Variants in DNAAF4 observed in about 807,000 individuals in gnomAD.
The protein encoded by DNAAF4 is dynein assembly factor 4, axonemal.
DNAAF4 carries 43 observed loss-of-function variants against 51.8 expected under a neutral mutation model. That is an observed-to-expected ratio of 0.83 (90% CI 0.65 to 1.07). The LOEUF (loss-of-function observed/expected upper bound fraction) is 1.07. Among genes scored for constraint, DNAAF4 ranks in the 50% least tolerant of loss-of-function variants. The pLI, the probability that DNAAF4 is intolerant of heterozygous loss-of-function variation, is 0.00. For missense variants in DNAAF4, 581 were observed against 493.0 expected (o/e 1.18, Z -1.69); for synonymous variants, 194 against 165.6 (o/e 1.17, Z -1.32).
intron 1 of DNAAF4, among the ~76,000 whole-genome samples, chr15:55,505,119 A>G (rs1468078894): frequency 6.6e-6 from 1 of 152,254 alleles, no homozygotes; most frequent in African/African-American, 2.4e-5. Context: ...ATATGAACAG[A>G]CACTTCTCAA....
intron 6 of DNAAF4, among the ~76,000 whole-genome samples, chr15:55,444,901 C>G (rs2057772247): frequency 6.6e-6 from 1 of 152,004 alleles, no homozygotes; most frequent in Non-Finnish European, 1.5e-5. Flanking sequence ...GATTTTGTAT[C>G]CTGAGACTTT....
chr15:55,465,835 G>C (rs1452168231), intron 5 of DNAAF4, among the ~76,000 whole-genome samples: 1 of 152,038 alleles, frequency 6.6e-6, no homozygotes, highest in Non-Finnish European at 1.5e-5. Context: ...CAAAGTGTTA[G>C]GATTACAGGC....
intron 1 of DNAAF4, among the ~76,000 whole-genome samples, chr15:55,503,204 A>G (rs937124587): frequency 1.3e-5 from 2 of 152,088 alleles, no homozygotes; most frequent in African/African-American, 4.8e-5. Context: ...CGACACATAC[A>G]CCCTCCCAAA....
rs145360716 is a variant in DNAAF4 at position 55,476,308 on chromosome 15, A to G, written c.406-9147T>C. Among the ~76,000 whole-genome samples the G allele has an allele frequency of 1.2e-3, 188 of 152,048 alleles. 1 individual carries two copies. Among genetic ancestry groups the G allele is most frequent in the African/African-American group, 4.3e-3 (180 of 41,502 alleles). On this transcript the variant is annotated intron_variant, in intron 4 of 9. Coordinates refer to ENST00000321149, the MANE Select transcript of DNAAF4 (RefSeq NM_130810.4). Reference sequence around the variant, plus strand: ...CACAGAGTATCCCCATCTTTACTAGATAGGCATGGTGGCATGTGCGTGTAG... The same window carrying G: ...CACAGAGTATCCCCATCTTTACTAGGTAGGCATGGTGGCATGTGCGTGTAG...
intron 6 of DNAAF4, among the ~76,000 whole-genome samples, chr15:55,449,871 G>C (rs1398982039): frequency 6.6e-6 from 1 of 151,470 alleles, no homozygotes; most frequent in Non-Finnish European, 1.5e-5. Flanking sequence ...GCTAATTTTT[G>C]TATTTTTAGT....
chr15:55,502,685 T>C lies in DNAAF4; in HGVS notation c.-255-4101A>G, dbSNP rs2058705935. Among the ~76,000 whole-genome samples the C allele has an allele frequency of 3.3e-5, 5 of 152,012 alleles. No homozygotes were observed. The South Asian group carries it at 1.0e-3, about 32-fold the overall frequency. ...TTGCTCTTGAATTACTGGGTAAATA[T>C]CGAAATGAAGGCAGAAATAAAGATG... On this transcript the variant is annotated intron_variant, in intron 1 of 9. Transcript: ENST00000321149.
intron 3 of DNAAF4, among the ~76,000 whole-genome samples, chr15:55,495,827 G>C (rs980298128): frequency 3.9e-5 from 6 of 152,238 alleles, no homozygotes; most frequent in Middle Eastern, 3.4e-3. Flanking sequence ...GAGGAAAACA[G>C]GGCTAAAGCA....
chr15:55,500,618 C>T (rs1003618255), intron 1 of DNAAF4, among the ~76,000 whole-genome samples: 2 of 152,184 alleles, frequency 1.3e-5, no homozygotes, highest in African/African-American at 4.8e-5. Context: ...TAAACACATA[C>T]ACACCTCTGC....
chr15:55,433,894 A>ATT, intron 8 of DNAAF4, among the ~76,000 whole-genome samples: 2 of 39,274 alleles, frequency 5.1e-5, no homozygotes, highest in Non-Finnish European at 8.8e-5. Flanking sequence ...TTATATATAT[A>ATT]TTATATATAT....
chr15:55,441,655 C>A (rs943025178), intron 6 of DNAAF4, among the ~76,000 whole-genome samples: 1 of 151,016 alleles, frequency 6.6e-6, no homozygotes, highest in African/African-American at 2.4e-5. Context: ...TGAGTGAGAA[C>A]ATGTGGTGTT....
At chr15:55,491,858 T>G (rs1479028057) in intron 3 of DNAAF4, among the ~76,000 whole-genome samples, 1 of 148,560 alleles carries the variant, frequency 6.7e-6, no homozygotes, top group Non-Finnish European at 1.5e-5. Context: ...CACAGCTTGT[T>G]TGTTTGTTTT....
intron 4 of DNAAF4, among the ~76,000 whole-genome samples, chr15:55,487,244 A>G (rs931785952): frequency 2.0e-5 from 3 of 152,192 alleles, no homozygotes; most frequent in Admixed American, 2.0e-4. Context: ...AAACATACCA[A>G]TCAGCACTCT....
chr15:55,468,450 G>A (rs1054689656), intron 4 of DNAAF4, among the ~76,000 whole-genome samples: 4 of 152,152 alleles, frequency 2.6e-5, no homozygotes, highest in Non-Finnish European at 5.9e-5. Context: ...TATATTCTTA[G>A]TTCAGAGAGT....
intron 6 of DNAAF4, chr15:55,442,651 G>A: frequency 2.0e-6 from 3 of 1,535,006 alleles, no homozygotes; most frequent in Non-Finnish European, 2.7e-6. Context: ...ACTTTTAGCA[G>A]GATTCAGCTT....
Position 55,431,125 on chromosome 15 carries a change from G to C in DNAAF4, c.1154-346C>G, listed in dbSNP as rs572363789. Among the ~76,000 whole-genome samples the C allele has an allele frequency of 2.1e-3, 312 of 152,132 alleles. 1 individual carries two copies. The highest frequency in any genetic ancestry group is 3.6e-3 in the Admixed American group (55 of 15,266). Reference sequence around the variant, plus strand: ...AGATGGGGTTTCACCGTGTTAGCCAGTAGGGCCTCGATCTCCTGACCTCAT... The same window carrying C: ...AGATGGGGTTTCACCGTGTTAGCCACTAGGGCCTCGATCTCCTGACCTCAT... On this transcript the variant is annotated intron_variant, in intron 9 of 9. Transcript: ENST00000321149.
chr15:55,432,769 A>G (rs2057517026), intron 8 of DNAAF4, among the ~76,000 whole-genome samples, 167 bp from the exon 9 acceptor site: 1 of 151,248 alleles, frequency 6.6e-6, no homozygotes, highest in Non-Finnish European at 1.5e-5. Context: ...AACATGGCGA[A>G]ACCCCGTCTC....
intron 4 of DNAAF4, among the ~76,000 whole-genome samples, chr15:55,484,505 C>T (rs1346851425): frequency 7.0e-6 from 1 of 143,782 alleles, no homozygotes; most frequent in East Asian, 2.2e-4. Context: ...AAAAAAAAAA[C>T]AGAATTACCA....
At chr15:55,483,703 G>C (rs1218899619) in intron 4 of DNAAF4, among the ~76,000 whole-genome samples, 1 of 151,024 alleles carries the variant, frequency 6.6e-6, no homozygotes, top group Non-Finnish European at 1.5e-5. Flanking sequence ...ACCACACACG[G>C]CTAATTTTTT....
chr15:55,442,519 C>T (rs2057730496), intron 6 of DNAAF4: 7 of 772,218 alleles, frequency 9.1e-6, no homozygotes, highest in Admixed American at 4.0e-5. Context: ...TTCGGAAGGT[C>T]ACTCTTGGCA....
Sources: allele counts gnomAD v4.1 joint callset (sites outside exome capture counted in the v4.1 genomes callset), GRCh38; gene constraint gnomAD v4.1.1; transcripts MANE v1.5; gene names NCBI Gene and HGNC (gene_info 2026-07-23, HGNC 2026-07-21).